COL12A1: variants seen among roughly 807,000 people sequenced by gnomAD.
The protein encoded by COL12A1 is collagen type XII alpha 1 chain.
A neutral mutation model predicts 349.7 loss-of-function variants in COL12A1; 114 were observed. That is an observed-to-expected ratio of 0.33 (90% CI 0.28 to 0.38). COL12A1 has a LOEUF of 0.38. Ranked by LOEUF, COL12A1 falls within the 10% of genes least tolerant of loss-of-function variation. The pLI, the probability that COL12A1 is intolerant of heterozygous loss-of-function variation, is 1.00. For synonymous variants in COL12A1, 1,369 were observed against 1,329.0 expected (o/e 1.03, Z -0.66); for missense variants, 3,284 against 3,756.9 (o/e 0.87, Z 3.29).
At chr6:75,109,988 A>G (rs1402731667) in intron 51 of COL12A1, among the ~76,000 whole-genome samples, 1 of 152,100 alleles carries the variant, frequency 6.6e-6, no homozygotes, top group Non-Finnish European at 1.5e-5. Flanking sequence ...GCTCTCAGTC[A>G]GTAAGCATAA....
At position 75,095,135 on chromosome 6, in the gene COL12A1, T is replaced by C. The variant is rs368321891; in HGVS notation, c.8622A>G (p.Pro2874=). ...SPGVTGPSGK[P]GKPGDHGRPG... ...GTCTGCCATGATCTCCAGGTTTTCC[T>C]GGCTTCCCACTTGGTCCTGTGACTC... The change falls in exon 60 of 66, where the codon CCA becomes CCG. Residue 2874 remains proline, a synonymous_variant. Coordinates refer to ENST00000322507, the MANE Select transcript of COL12A1 (RefSeq NM_004370.6). The C allele has an allele frequency of 3.8e-4, 610 of 1,614,082 alleles. 1 individual carries two copies. Among genetic ancestry groups the C allele is most frequent in the Middle Eastern group, 1.2e-3 (7 of 6,084 alleles).
intron 8 of COL12A1, among the ~76,000 whole-genome samples, chr6:75,186,958 G>C (rs1242066475): frequency 2.0e-5 from 3 of 151,912 alleles, no homozygotes; most frequent in Non-Finnish European, 4.4e-5. Context: ...CACACACACT[G>C]GGGCCTATTG....
In COL12A1 at chr6:75,154,447, G is replaced by A. The variant is rs747982811; in HGVS notation, c.3534C>T (p.Ser1178=). 6.2e-5 allele frequency: 100 copies of A among 1,611,984 alleles called. No individual in the cohort carries two copies. In the African/African-American group the frequency reaches 7.8e-4, roughly 13 times the overall value. Residue 1178 remains serine, a synonymous_variant, in exon 17 of 66, where the codon TCC becomes TCT. Coordinates refer to ENST00000322507, the MANE Select transcript of COL12A1 (RefSeq NM_004370.6). ...ATAAAATTGGCATAACAGTTGTGTC[G>A]GAAAGGGTTGTCATTTCTTGTCCAA... ...PLVGQEMTTL[S]DTTVMPILSS... is the part of the protein sequence containing the mutation.
chr6:75,191,798 C>G, intron 4 of COL12A1, 38 bp from the exon 5 acceptor site: 2 of 1,361,298 alleles, frequency 1.5e-6, no homozygotes, highest in South Asian at 2.8e-5. Context: ...GGAAATGAAC[C>G]CAAGCAGATA....
At chr6:75,131,165 C>T (rs548138714) in intron 35 of COL12A1, among the ~76,000 whole-genome samples, 184 bp from the exon 36 acceptor site, 1 of 152,158 alleles carries the variant, frequency 6.6e-6, no homozygotes, top group East Asian at 1.9e-4. Flanking sequence ...TCAGAAATTC[C>T]CTTTCCAAAA....
intron 57 of COL12A1, 22 bp from the exon 58 acceptor site, chr6:75,101,675 AG>A (rs1225512123): frequency 1.2e-6 from 2 of 1,609,332 alleles, no homozygotes; most frequent in Non-Finnish European, 8.5e-7. Flanking sequence ...GAAACAAACA[AG>A]TGAAACATTA....
At position 75,116,582 on chromosome 6, in the gene COL12A1, C is replaced by T. The variant is rs906215495; in HGVS notation, c.7520-525G>A. 2.0e-5 allele frequency among the ~76,000 whole-genome samples: 3 copies of T among 152,092 alleles called. No homozygotes were observed. The South Asian group carries it at 6.2e-4, about 32-fold the overall frequency. Reference sequence around the variant, plus strand: ...GGGACAGAAGAGAAACCACTCCAGCCCCCTACTCACTTTCATCAGTGCAGC... The same window carrying T: ...GGGACAGAAGAGAAACCACTCCAGCTCCCTACTCACTTTCATCAGTGCAGC... On this transcript the variant is annotated intron_variant, in intron 47 of 65. Coordinates refer to ENST00000322507, the MANE Select transcript of COL12A1 (RefSeq NM_004370.6).
Position 75,177,657 on chromosome 6 carries a change from C to T in COL12A1, c.2437+6G>A, listed in dbSNP as rs1769033413. The T allele has an allele frequency of 1.2e-6, 2 of 1,614,040 alleles. No homozygotes were observed. The highest frequency in any genetic ancestry group is 1.7e-6 in the Non-Finnish European group (2 of 1,179,998). On this transcript the variant is annotated splice_donor_region_variant and intron_variant, in intron 12 of 65. Coordinates refer to ENST00000322507, the MANE Select transcript of COL12A1 (RefSeq NM_004370.6). ...TGTCACCATATGATAAGCATATTTC[C>T]TCTACCTTCTTCAGTGGCTGCATTT...
intron 3 of COL12A1, 51 bp from the exon 4 acceptor site, chr6:75,192,406 A>G (rs765972437): frequency 7.4e-6 from 11 of 1,494,544 alleles, no homozygotes; most frequent in South Asian, 6.9e-5. Context: ...TTTTTCACAT[A>G]TAACACAATA....
chr6:75,196,591 A>T (rs1188948345), intron 2 of COL12A1, among the ~76,000 whole-genome samples: 3 of 152,216 alleles, frequency 2.0e-5, no homozygotes, highest in Non-Finnish European at 4.4e-5. Flanking sequence ...ATTACTCAAC[A>T]TTCTTCAGTC....
chr6:75,146,770 T>C (rs1767214031), intron 23 of COL12A1, among the ~76,000 whole-genome samples: 1 of 152,156 alleles, frequency 6.6e-6, no homozygotes, highest in South Asian at 2.1e-4. Context: ...CCATATTGCT[T>C]CCAATTATTT....
At position 75,101,672 on chromosome 6, in the gene COL12A1, A is replaced by G. The variant is rs1768309757; in HGVS notation, c.8470-19T>C. On this transcript the variant is annotated intron_variant, in intron 57 of 65. Transcript: ENST00000322507. ...GGGTTCCCTGCACAGAAGGAAACAA[A>G]CAAGTGAAACATTATAATATACTTC... 1.2e-6 allele frequency: 2 copies of G among 1,608,790 alleles called. No individual in the cohort carries two copies. The highest frequency in any genetic ancestry group is 1.7e-6 in the Non-Finnish European group (2 of 1,178,456).
chr6:75,143,517 G>T, intron 25 of COL12A1, 129 bp from the exon 26 acceptor site: 2 of 936,654 alleles, frequency 2.1e-6, no homozygotes, highest in Non-Finnish European at 3.1e-6. Flanking sequence ...TGAAAAAAAT[G>T]ATTATGATGA....
chr6:75,135,946 T>C (rs928290743), intron 31 of COL12A1, among the ~76,000 whole-genome samples: 1 of 152,148 alleles, frequency 6.6e-6, no homozygotes, highest in Admixed American at 6.5e-5. Context: ...CTCCCCAAAA[T>C]AATTCTAGCA....
At chr6:75,095,572 G>A (rs1196600836) in intron 59 of COL12A1, among the ~76,000 whole-genome samples, 1 of 141,064 alleles carries the variant, frequency 7.1e-6, no homozygotes, top group African/African-American at 2.8e-5. Flanking sequence ...AGCCGAGATT[G>A]CGCCACTGCA....
chr6:75,154,693 C>T (rs141953386), intron 16 of COL12A1, among the ~76,000 whole-genome samples, 156 bp from the exon 17 acceptor site: 227 of 152,100 alleles, frequency 1.5e-3, no homozygotes, highest in African/African-American at 5.1e-3. Context: ...AAATAATTTC[C>T]GCCTCTTTCT....
chr6:75,182,025 G>A (rs1769333908), intron 10 of COL12A1, among the ~76,000 whole-genome samples: 1 of 150,246 alleles, frequency 6.7e-6, no homozygotes, highest in South Asian at 2.1e-4. Context: ...GAACTGGGGA[G>A]GCAGATATTG....
chr6:75,182,368 C>G (rs1000711793), intron 10 of COL12A1, among the ~76,000 whole-genome samples: 1 of 152,078 alleles, frequency 6.6e-6, no homozygotes, highest in Non-Finnish European at 1.5e-5. Flanking sequence ...CCAGCCCCCC[C>G]ACCTTCCTAT....
intron 13 of COL12A1, among the ~76,000 whole-genome samples, chr6:75,174,590 T>C (rs1413921572): frequency 1.3e-5 from 2 of 152,192 alleles, no homozygotes; most frequent in African/African-American, 4.8e-5. Context: ...TTATATTTCT[T>C]GAGCTTTTAT....
Sources: allele counts gnomAD v4.1 joint callset (sites outside exome capture counted in the v4.1 genomes callset), GRCh38; gene constraint gnomAD v4.1.1; transcripts MANE v1.5; gene names NCBI Gene and HGNC (gene_info 2026-07-23, HGNC 2026-07-21).